VAV3: variants seen among roughly 807,000 people sequenced by gnomAD.
VAV3 encodes vav guanine nucleotide exchange factor 3.
A neutral mutation model predicts 131.2 loss-of-function variants in VAV3; 94 were observed. The observed-to-expected ratio is 0.72, with a 90% confidence interval of 0.61 to 0.85. The LOEUF is 0.85. Ranked by LOEUF, VAV3 falls within the 40% of genes least tolerant of loss-of-function variation. The pLI is 0.00. For synonymous variants in VAV3, 349 were observed against 342.0 expected (o/e 1.02, Z -0.22); for missense variants, 939 against 1,002.7 (o/e 0.94, Z 0.86).
chr1:107,798,366 C>CT (rs954938940), intron 2 of VAV3, among the ~76,000 whole-genome samples: 15 of 151,458 alleles, frequency 9.9e-5, no homozygotes, highest in Admixed American at 3.9e-4. Context: ...CCACACACCC[C>CT]TTCCCAATTC....
chr1:107,776,262 G>A (rs1665350376), intron 4 of VAV3, among the ~76,000 whole-genome samples: 2 of 152,314 alleles, frequency 1.3e-5, no homozygotes, highest in Admixed American at 6.5e-5. Context: ...GCCAGACACT[G>A]TGAAGTTCTA....
chr1:107,918,705 A>ATTTT (rs66707621), intron 1 of VAV3, among the ~76,000 whole-genome samples: 24 of 76,994 alleles, frequency 3.1e-4, no homozygotes, highest in African/African-American at 1.1e-3. Context: ...ATATATATAT[A>ATTTT]TTTTTTTTTT....
chr1:107,828,581 C>A (rs964467716), intron 2 of VAV3, among the ~76,000 whole-genome samples: 1 of 151,990 alleles, frequency 6.6e-6, no homozygotes, highest in Non-Finnish European at 1.5e-5. Flanking sequence ...CTTTTCTATG[C>A]CTGTTCCACC....
intron 4 of VAV3, among the ~76,000 whole-genome samples, chr1:107,776,484 G>A (rs754161853): frequency 6.6e-6 from 1 of 152,196 alleles, no homozygotes; most frequent in Non-Finnish European, 1.5e-5. Context: ...CTTGAACGCT[G>A]AGGGATCAGT....
At chr1:107,957,415 T>C (rs1372375312) in intron 1 of VAV3, among the ~76,000 whole-genome samples, 1 of 152,160 alleles carries the variant, frequency 6.6e-6, no homozygotes, top group East Asian at 1.9e-4. Flanking sequence ...GTGAACTTTC[T>C]ACAATGATCA....
intron 25 of VAV3, among the ~76,000 whole-genome samples, chr1:107,584,008 A>C (rs1266688485): frequency 1.3e-5 from 2 of 152,154 alleles, no homozygotes; most frequent in Non-Finnish European, 2.9e-5. Flanking sequence ...TTCAAACTAT[A>C]CTACAAGGCT....
intron 2 of VAV3, among the ~76,000 whole-genome samples, chr1:107,790,309 A>T (rs2102268905): frequency 6.6e-6 from 1 of 152,320 alleles, no homozygotes; most frequent in East Asian, 1.9e-4. Context: ...CCCAATGGTC[A>T]CCCACCTGGA....
At chr1:107,876,163 G>A (rs922705875) in intron 1 of VAV3, among the ~76,000 whole-genome samples, 8 of 152,158 alleles carry the variant, frequency 5.3e-5, no homozygotes, top group Non-Finnish European at 1.0e-4. Context: ...GTTTCTAGAT[G>A]AAGGGAGTGA....
intron 1 of VAV3, among the ~76,000 whole-genome samples, chr1:107,904,079 AT>A (rs1170927301): frequency 7.2e-5 from 11 of 151,816 alleles, no homozygotes; most frequent in African/African-American, 2.7e-4. Context: ...GTGCTCCATC[AT>A]TTCCTCTTCC....
At chr1:107,594,275 C>T (rs7411512) in intron 25 of VAV3, among the ~76,000 whole-genome samples, 75 of 152,202 alleles carry the variant, frequency 4.9e-4, no homozygotes, top group African/African-American at 1.8e-3. Context: ...TCCATAAAGG[C>T]AGGAACTTTG....
chr1:107,902,261 A>G (rs1671898349), intron 1 of VAV3, among the ~76,000 whole-genome samples: 1 of 152,228 alleles, frequency 6.6e-6, no homozygotes, highest in Non-Finnish European at 1.5e-5. Context: ...CTAAGTTTCT[A>G]AAGTGATTAA....
chr1:107,779,939 G>A (rs992919923), intron 2 of VAV3, among the ~76,000 whole-genome samples: 1 of 152,158 alleles, frequency 6.6e-6, no homozygotes, highest in Non-Finnish European at 1.5e-5. Context: ...CATTTTAAGT[G>A]TTCAGTAGCC....
chr1:107,915,566 C>CAA (rs1276869486), intron 1 of VAV3, among the ~76,000 whole-genome samples: 4 of 152,156 alleles, frequency 2.6e-5, no homozygotes, highest in Admixed American at 2.6e-4. Context: ...AATACCTCTT[C>CAA]ACAGAGTTAT....
intron 18 of VAV3, among the ~76,000 whole-genome samples, chr1:107,687,718 C>A (rs1395493108): frequency 6.6e-6 from 1 of 152,256 alleles, no homozygotes; most frequent in South Asian, 2.1e-4. Flanking sequence ...GTATTTTCAA[C>A]AGGAAAGTAT....
At chr1:107,628,191 G>A (rs1163279703) in intron 20 of VAV3, among the ~76,000 whole-genome samples, 1 of 152,162 alleles carries the variant, frequency 6.6e-6, no homozygotes, top group East Asian at 1.9e-4. Context: ...TTGGAGGTTT[G>A]AGAAAACAGG....
intron 2 of VAV3, among the ~76,000 whole-genome samples, chr1:107,838,198 G>A (rs57150009): frequency 0.01 from 1,579 of 151,966 alleles, 25 homozygotes; most frequent in African/African-American, 0.035. Flanking sequence ...GAATATATTC[G>A]CAAACTATGC....
At chr1:107,703,890 A>G (rs1660285992) in intron 17 of VAV3, among the ~76,000 whole-genome samples, 1 of 152,224 alleles carries the variant, frequency 6.6e-6, no homozygotes, top group African/African-American at 2.4e-5. Flanking sequence ...CAGAAAATAA[A>G]GACAAGGAAG....
intron 15 of VAV3, among the ~76,000 whole-genome samples, chr1:107,716,324 G>T (rs1661087642): frequency 6.6e-6 from 1 of 152,146 alleles, no homozygotes; most frequent in Non-Finnish European, 1.5e-5. Flanking sequence ...AGCCAGTAAA[G>T]ACTTTTAAAA....
At chr1:107,918,706 T>TATATATA (rs1491228523) in intron 1 of VAV3, among the ~76,000 whole-genome samples, 7 of 51,472 alleles carry the variant, frequency 1.4e-4, no homozygotes, top group South Asian at 6.7e-4. Context: ...TATATATATA[T>TATATATA]TTTTTTTTTT....
Sources: gnomAD v4.1 joint callset for allele counts (sites outside exome capture counted in the v4.1 genomes callset) on GRCh38, gnomAD v4.1.1 for gene constraint, MANE v1.5 for transcripts, NCBI Gene and HGNC (gene_info 2026-07-23, HGNC 2026-07-21) for gene names.